Variants in LILRB1 observed in about 807,000 individuals in gnomAD.
The protein encoded by LILRB1 is leukocyte immunoglobulin like receptor B1.
In LILRB1, 59 loss-of-function variants were observed where a neutral mutation model predicts 74.6. That is an observed-to-expected ratio of 0.79 (90% CI 0.64 to 0.98). The LOEUF (loss-of-function observed/expected upper bound fraction) is 0.98, where lower values mean the gene tolerates loss of function less well. Ranked by LOEUF, LILRB1 falls within the 50% of genes least tolerant of loss-of-function variation. LILRB1 has a pLI of 0.00. For synonymous variants in LILRB1, 328 were observed against 333.9 expected, an observed-to-expected ratio of 0.98 and a Z score of 0.19; for missense variants, 804 against 822.6, an observed-to-expected ratio of 0.98 and a Z score of 0.28.
In LILRB1 at chr19:54,635,551, C is replaced by G. The variant is rs761806308; in HGVS notation, c.1601-6C>G. 4 of 1,612,040 alleles carry G rather than the reference C, an allele frequency of 2.5e-6. No individual in the cohort carries two copies. In the South Asian group the frequency reaches 4.4e-5, roughly 18 times the overall value. On this transcript the variant is annotated splice_polypyrimidine_tract_variant and splice_region_variant and intron_variant, in intron 12 of 14. Transcript: ENST00000324602. ...AAGAGACAAACCCCTTGCTCTGCCC[C>G]AGCAGATGCTGCCGTGAAGCACACA...
chr19:54,626,829 T>G (rs577352330), upstream of LILRB1, among the ~76,000 whole-genome samples: 127 of 152,254 alleles, frequency 8.3e-4, no homozygotes, highest in African/African-American at 2.9e-3. Context: ...CTGTGGTCAC[T>G]CCTGCCCTGC....
intron 9 of LILRB1, 36 bp downstream of exon 9, chr19:54,634,057 T>G: frequency 6.4e-7 from 1 of 1,569,368 alleles, no homozygotes. Flanking sequence ...GTGGGCAGGG[T>G]CCAGGGGAGG....
intron 5 of LILRB1, 82 bp downstream of exon 5, chr19:54,632,319 T>C: frequency 1.3e-6 from 2 of 1,561,224 alleles, no homozygotes; most frequent in South Asian, 1.2e-5. Flanking sequence ...CAGTTCCAGG[T>C]GGGATGATGT....
intron 1 of LILRB1, among the ~76,000 whole-genome samples, chr19:54,622,511 G>A (rs1287888364): frequency 6.6e-6 from 1 of 152,150 alleles, no homozygotes; most frequent in Admixed American, 6.5e-5. Flanking sequence ...GATTTTTGTA[G>A]CTTGATTTTT....
At chr19:54,624,609 G>C (rs2063532122) in intron 1 of LILRB1, among the ~76,000 whole-genome samples, 1 of 152,084 alleles carries the variant, frequency 6.6e-6, no homozygotes, top group Non-Finnish European at 1.5e-5. Context: ...CAGGCCCTGG[G>C]GTGAGTGGTC....
Position 54,634,910 on chromosome 19 carries a change from C to T in LILRB1, c.1486+147C>T. 3 of 1,492,660 alleles carry T rather than the reference C, an allele frequency of 2.0e-6. No individual in the cohort carries two copies. The South Asian group carries it at 3.9e-5, about 19-fold the overall frequency. The allele number at this position is 1,492,660 out of a possible 1,614,324, so 92.5% of individuals were successfully genotyped here. ...GCCAATCGACAGTCAGTCCCATCTA[C>T]AAATGTAAAGTGTCCTTCGGGCTCA... On this transcript the variant is annotated intron_variant, in intron 10 of 14. Transcript: ENST00000324602.
intron 1 of LILRB1, among the ~76,000 whole-genome samples, chr19:54,625,217 G>A (rs933500074): frequency 2.1e-5 from 3 of 146,324 alleles, no homozygotes; most frequent in African/African-American, 2.5e-5. Flanking sequence ...CGGGTGACTG[G>A]GGCCCTGCAG....
At chr19:54,616,897 G>T (rs1276029772), upstream of LILRB1, among the ~76,000 whole-genome samples, 1 of 152,188 alleles carries the variant, frequency 6.6e-6, no homozygotes, top group Non-Finnish European at 1.5e-5. Context: ...GGACCCCATC[G>T]TGATGTGAGT....
chr19:54,632,056 A>T lies in LILRB1; in HGVS notation c.480A>T (p.Gly160=). ...AFDGFILCKE[G]EDEHPQCLNS... Reference sequence around the variant, plus strand: ...ATGGCTTCATTCTGTGTAAGGAAGGAGAAGATGAACACCCACAATGCCTGA... The same window carrying T: ...ATGGCTTCATTCTGTGTAAGGAAGGTGAAGATGAACACCCACAATGCCTGA... Residue 160 remains glycine (G), a synonymous_variant, in exon 5 of 15, where the codon GGA becomes GGT. Coordinates refer to ENST00000324602, the MANE Select transcript of LILRB1 (RefSeq NM_001081637.3). The T allele has an allele frequency of 2.5e-6, 4 of 1,614,242 alleles. No homozygotes were observed. Among genetic ancestry groups the T allele is most frequent in the Non-Finnish European group, 2.5e-6 (3 of 1,180,012 alleles).
chr19:54,626,339 G>T (rs1168823369), upstream of LILRB1, among the ~76,000 whole-genome samples: 3 of 152,056 alleles, frequency 2.0e-5, no homozygotes, highest in Admixed American at 6.6e-5. Flanking sequence ...TTATTAATTT[G>T]TTCACATTAA....
upstream of LILRB1, among the ~76,000 whole-genome samples, chr19:54,625,437 G>A (rs1003138210): frequency 2.0e-5 from 3 of 152,098 alleles, no homozygotes; most frequent in African/African-American, 7.2e-5. Flanking sequence ...GGGATTCCAC[G>A]TGGGCTCCAG....
At position 54,634,672 on chromosome 19, in the gene LILRB1, C is replaced by T. The variant is rs1485009291; in HGVS notation, c.1395C>T (p.Gly465=). The change falls in exon 10 of 15, where the codon GGC becomes GGT. Residue 465 remains glycine, a synonymous_variant. Transcript: ENST00000324602. ...GAAGGCACCTGGGGGTTGTGATCGGCATCTTGGTGGCCGTCATCCTACTGC... is the reference window on the plus strand; with the variant it reads ...GAAGGCACCTGGGGGTTGTGATCGGTATCTTGGTGGCCGTCATCCTACTGC... ...GLGRHLGVVI[G]ILVAVILLLL... The T allele has an allele frequency of 6.2e-7, 1 of 1,613,936 alleles. No individual in the cohort carries two copies. Among genetic ancestry groups the T allele is most frequent in the East Asian group, 2.2e-5 (1 of 44,868 alleles).
At chr19:54,620,139 A>C (rs2063417467) in intron 1 of LILRB1, among the ~76,000 whole-genome samples, 1 of 152,166 alleles carries the variant, frequency 6.6e-6, no homozygotes. Context: ...GATAAAACTA[A>C]ATAAAAAGAA....
chr19:54,634,064 G>C, intron 9 of LILRB1, 43 bp downstream of exon 9: 1 of 1,564,968 alleles, frequency 6.4e-7, no homozygotes, highest in South Asian at 1.2e-5. Context: ...GGGTCCAGGG[G>C]AGGCAGGGGT....
At chr19:54,616,670 G>A (rs1359701514), upstream of LILRB1, among the ~76,000 whole-genome samples, 2 of 152,128 alleles carry the variant, frequency 1.3e-5, no homozygotes, top group African/African-American at 4.8e-5. Flanking sequence ...TTCTAGTTGG[G>A]AGATACATTC....
intron 5 of LILRB1, 91 bp downstream of exon 5, chr19:54,632,328 G>T (rs1283053066): frequency 9.0e-6 from 14 of 1,557,730 alleles, no homozygotes; most frequent in Non-Finnish European, 1.1e-5. Context: ...GTGGGATGAT[G>T]TTGGGGCGAG....
intron 1 of LILRB1, among the ~76,000 whole-genome samples, chr19:54,623,111 G>A (rs2063495606): frequency 6.6e-6 from 1 of 152,036 alleles, no homozygotes. Flanking sequence ...CAGGTTTCTT[G>A]GCCTGTAGCT....
rs2064052823 is a variant in LILRB1, at chr19:54,633,111, A to C, written c.1054A>C (p.Met352Leu). The C allele has an allele frequency of 6.2e-7, 1 of 1,614,122 alleles. No homozygotes were observed. The highest frequency in any genetic ancestry group is 1.3e-5 in the African/African-American group (1 of 74,956). The change falls in exon 7 of 15, where the codon ATG (methionine) becomes CTG (leucine). Residue 352 changes from methionine to leucine, a missense_variant. Physicochemically the swap from Met to Leu is conservative, Grantham distance 15. Coordinates refer to ENST00000324602, the MANE Select transcript of LILRB1 (RefSeq NM_001081637.3). Reference protein sequence around the residue: ...VTLLCQSQGWMQTFLLTKEGA... With the variant: ...VTLLCQSQGWLQTFLLTKEGA... ...CCTGCTGTGTCAGTCACAGGGATGGATGCAAACTTTCCTTCTGACCAAGGA... is the reference window on the plus strand; with the variant it reads ...CCTGCTGTGTCAGTCACAGGGATGGCTGCAAACTTTCCTTCTGACCAAGGA...
exon 1 of LILRB1, chr19:54,617,184 CAGAAA>C (rs932296709): frequency 2.0e-5 from 3 of 152,002 alleles, no homozygotes; most frequent in African/African-American, 4.8e-5. Context: ...AGAGGAGGAA[CAGAAA>C]AGAAAAGAAA....
Sources: allele counts gnomAD v4.1 joint callset (sites outside exome capture counted in the v4.1 genomes callset), GRCh38; gene constraint gnomAD v4.1.1; transcripts MANE v1.5; gene names NCBI Gene and HGNC (gene_info 2026-07-23, HGNC 2026-07-21).